Variants in SNX29 observed in about 807,000 individuals in gnomAD.
SNX29 encodes the protein sorting nexin-29.
SNX29 carries 78 observed loss-of-function variants against 102.1 expected under a neutral mutation model. The observed-to-expected ratio is 0.76, with a 90% CI of 0.64 to 0.92. SNX29 has a LOEUF of 0.92. Among genes scored for constraint, SNX29 ranks in the 40% least tolerant of loss-of-function variants. The pLI, the probability that SNX29 is intolerant of heterozygous loss-of-function variation, is 0.00. For missense variants in SNX29, 1,280 were observed against 1,061.7 expected (o/e 1.21, Z -2.86); for synonymous variants, 580 against 414.5 (o/e 1.40, Z -4.85).
chr16:12,517,032 G>C (rs149492724), intron 19 of SNX29, among the ~76,000 whole-genome samples: 1 of 152,096 alleles, frequency 6.6e-6, no homozygotes, highest in Non-Finnish European at 1.5e-5. Flanking sequence ...AAATTGTCTC[G>C]AGTGTTCTTT....
rs555735348 is a variant in SNX29, at chr16:12,206,655, C to T, written c.1678+6972C>T. ...GCTTTAGTCTTTCTAGCAGGCCCAGCAGGAGAGGAGCTTCTCTCACTGTCC... is the reference window on the plus strand; with the variant it reads ...GCTTTAGTCTTTCTAGCAGGCCCAGTAGGAGAGGAGCTTCTCTCACTGTCC... On this transcript the variant is annotated intron_variant, in intron 14 of 20. Transcript: ENST00000566228. Among the ~76,000 whole-genome samples, 5 of 152,194 alleles carry T rather than the reference C, an allele frequency of 3.3e-5. No individual in the cohort carries two copies. The South Asian group carries it at 1.0e-3, about 32-fold the overall frequency.
chr16:12,077,579 C>G (rs1390120927), intron 10 of SNX29, among the ~76,000 whole-genome samples: 1 of 152,152 alleles, frequency 6.6e-6, no homozygotes, highest in African/African-American at 2.4e-5. Context: ...TGAACCAGTG[C>G]TCCTAGGGGA....
intron 14 of SNX29, among the ~76,000 whole-genome samples, chr16:12,250,278 C>T (rs2078382794): frequency 6.6e-6 from 1 of 152,322 alleles, no homozygotes; most frequent in East Asian, 1.9e-4. Context: ...GCCCAGCTCT[C>T]ATGGGGAGCC....
intron 16 of SNX29, among the ~76,000 whole-genome samples, chr16:12,383,786 T>A (rs199723767): frequency 1.3e-5 from 2 of 150,656 alleles, no homozygotes; most frequent in East Asian, 3.9e-4. Context: ...TTTTTTTTTT[T>A]TTTTTGCTAT....
chr16:12,512,395 T>G (rs972643742), intron 19 of SNX29, among the ~76,000 whole-genome samples: 3,251 of 86,942 alleles, frequency 0.037, 427 homozygotes, highest in East Asian at 0.1. Context: ...TATATATATA[T>G]ATATATATAT....
At chr16:12,209,065 G>A (rs1000654876) in intron 14 of SNX29, among the ~76,000 whole-genome samples, 6 of 152,084 alleles carry the variant, frequency 3.9e-5, no homozygotes, top group African/African-American at 1.4e-4. Context: ...GGTGCTTTTG[G>A]CTTCTCCTGA....
intron 16 of SNX29, among the ~76,000 whole-genome samples, chr16:12,395,596 G>T (rs149828406): frequency 1.3e-5 from 2 of 152,188 alleles, no homozygotes; most frequent in African/African-American, 4.8e-5. Flanking sequence ...CAGGGTCAGG[G>T]AGAGGTGAAT....
chr16:12,148,733 T>A (rs1466549142), intron 13 of SNX29, among the ~76,000 whole-genome samples: 1 of 152,186 alleles, frequency 6.6e-6, no homozygotes, highest in Admixed American at 6.5e-5. Flanking sequence ...ATCTCGCTCT[T>A]GTTGCCCAGG....
At chr16:12,327,713 T>C (rs2081163003) in intron 15 of SNX29, among the ~76,000 whole-genome samples, 1 of 142,980 alleles carries the variant, frequency 7.0e-6, no homozygotes, top group Non-Finnish European at 1.5e-5. Flanking sequence ...GCTTGGCACA[T>C]GGAAACAGAG....
chr16:12,446,536 A>G lies in SNX29; in HGVS notation c.2038-31183A>G, dbSNP rs79848545. Among the ~76,000 whole-genome samples, 1,270 of 152,336 alleles carry G rather than the reference A, an allele frequency of 8.3e-3. 22 individuals are homozygous for G. Among genetic ancestry groups the G allele is most frequent in the African/African-American group, 0.028 (1,181 of 41,574 alleles). ...CCAAGAGGGACCCACTGTGTGCTCA[A>G]TGAATAGAGAGGAGTCAGAGGAGCT... On this transcript the variant is annotated intron_variant, in intron 18 of 20. Coordinates refer to ENST00000566228, the MANE Select transcript of SNX29 (RefSeq NM_032167.5).
chr16:12,483,034 G>C (rs2088021811), intron 19 of SNX29, among the ~76,000 whole-genome samples: 1 of 148,324 alleles, frequency 6.7e-6, no homozygotes, highest in Non-Finnish European at 1.5e-5. Flanking sequence ...TAGTTGGCCT[G>C]AATATCAGTT....
At chr16:12,084,205 G>A (rs914053240) in intron 11 of SNX29, among the ~76,000 whole-genome samples, 2 of 151,756 alleles carry the variant, frequency 1.3e-5, no homozygotes, top group East Asian at 3.9e-4. Flanking sequence ...GAGTGCAGTG[G>A]CACGATCTCG....
intron 1 of SNX29, chr16:11,983,851 A>G (rs547979318): frequency 6.7e-6 from 2 of 298,978 alleles, no homozygotes; most frequent in East Asian, 1.7e-4. Context: ...TTGTCTATAC[A>G]TAGGCCGTAT....
chr16:12,541,817 C>G (rs993526979), intron 20 of SNX29, among the ~76,000 whole-genome samples: 22 of 152,148 alleles, frequency 1.4e-4, no homozygotes, highest in African/African-American at 3.9e-4. Flanking sequence ...AGGAACCAAG[C>G]TCGCCTCTTC....
At chr16:11,980,984 G>A (rs1211869485) in intron 1 of SNX29, among the ~76,000 whole-genome samples, 5 of 140,720 alleles carry the variant, frequency 3.6e-5, no homozygotes, top group Non-Finnish European at 7.7e-5. Context: ...TTTTTGAGTT[G>A]GAGTCTTGCT....
At chr16:12,129,161 C>T (rs961642414) in intron 12 of SNX29, among the ~76,000 whole-genome samples, 10 of 152,156 alleles carry the variant, frequency 6.6e-5, no homozygotes, top group East Asian at 5.8e-4. Flanking sequence ...TGAGACTAGA[C>T]GTTTATGAGA....
At chr16:11,987,426 CAG>C (rs2055675044) in intron 1 of SNX29, among the ~76,000 whole-genome samples, 1 of 131,042 alleles carries the variant, frequency 7.6e-6, no homozygotes. Flanking sequence ...TTTTTTGAGA[CAG>C]AGTCTCACTC....
intron 13 of SNX29, among the ~76,000 whole-genome samples, chr16:12,136,726 A>G (rs1389020756): frequency 7.4e-6 from 1 of 135,998 alleles, no homozygotes; most frequent in Admixed American, 7.4e-5. Context: ...CATTTTAGGA[A>G]AGGTTTTTGT....
intron 19 of SNX29, among the ~76,000 whole-genome samples, chr16:12,510,916 G>T (rs947678102): frequency 2.0e-5 from 3 of 152,080 alleles, no homozygotes; most frequent in African/African-American, 7.2e-5. Context: ...TCGCAGGTGG[G>T]GTCCTTCCTG....
Sources: allele counts gnomAD v4.1 joint callset (sites outside exome capture counted in the v4.1 genomes callset), GRCh38; gene constraint gnomAD v4.1.1; transcripts MANE v1.5; gene names NCBI Gene and HGNC (gene_info 2026-07-23, HGNC 2026-07-21).